NTAQ1: variants seen among roughly 807,000 people sequenced by gnomAD.
NTAQ1 encodes the protein N-terminal glutamine amidase 1.
NTAQ1 carries 21 observed loss-of-function variants against 28.2 expected under a neutral mutation model. The ratio of observed to expected loss-of-function variants is 0.74; its 90% CI spans 0.53 to 1.07. The LOEUF (loss-of-function observed/expected upper bound fraction) is 1.07. NTAQ1 is among the 50% of genes least tolerant of loss of function. The probability of loss-of-function intolerance (pLI) is 0.00; values close to 1 mark genes in which losing one functional copy is unlikely to be tolerated. For synonymous variants in NTAQ1, 105 were observed against 90.0 expected (o/e 1.17, Z -0.94); for missense variants, 264 against 256.6 (o/e 1.03, Z -0.20).
intron 1 of NTAQ1, among the ~76,000 whole-genome samples, chr8:123,426,127 C>G (rs1814039239): frequency 6.6e-6 from 1 of 152,170 alleles, no homozygotes; most frequent in African/African-American, 2.4e-5. Context: ...GTGTATCTTA[C>G]TAGAAAAAGA....
downstream of NTAQ1, among the ~76,000 whole-genome samples, chr8:123,443,864 C>T (rs1815171010): frequency 1.3e-5 from 2 of 152,102 alleles, no homozygotes; most frequent in Non-Finnish European, 2.9e-5. Flanking sequence ...TGAGCCACTG[C>T]GCCTGGCCTG....
chr8:123,435,405 C>T, intron 3 of NTAQ1: 1 of 936,236 alleles, frequency 1.1e-6, no homozygotes, highest in Non-Finnish European at 1.3e-6. Context: ...AAAAGTGGTT[C>T]CAAACTAGAA....
chr8:123,471,976 T>C (rs544435273), downstream of NTAQ1, among the ~76,000 whole-genome samples: 1 of 152,332 alleles, frequency 6.6e-6, no homozygotes, highest in East Asian at 1.9e-4. Flanking sequence ...GTAATAATCA[T>C]GCCTAGAGAA....
intron 4 of NTAQ1, among the ~76,000 whole-genome samples, chr8:123,436,804 T>G (rs892683976): frequency 6.6e-6 from 1 of 152,148 alleles, no homozygotes; most frequent in African/African-American, 2.4e-5. Flanking sequence ...TATGAAAGGT[T>G]GTCATTCTTT....
At chr8:123,447,711 A>G (rs1283496691) in intron 6 of NTAQ1, among the ~76,000 whole-genome samples, 1 of 152,244 alleles carries the variant, frequency 6.6e-6, no homozygotes, top group Non-Finnish European at 1.5e-5. Flanking sequence ...CTAACTGCAT[A>G]CATTCATTGT....
At chr8:123,420,551 C>T (rs1220755245) in intron 1 of NTAQ1, among the ~76,000 whole-genome samples, 1 of 150,006 alleles carries the variant, frequency 6.7e-6, no homozygotes, top group Admixed American at 6.7e-5. Flanking sequence ...TAAGCATCCC[C>T]TTTTCTCCAC....
intron 6 of NTAQ1, among the ~76,000 whole-genome samples, chr8:123,464,112 C>G (rs1815905096): frequency 6.6e-6 from 1 of 152,198 alleles, no homozygotes; most frequent in South Asian, 2.1e-4. Flanking sequence ...ATCCATTAAA[C>G]CTCTTTCCTT....
chr8:123,425,130 C>T lies in NTAQ1; in HGVS notation c.84-2794C>T, dbSNP rs76826275. ...TTTTTTAGAGGTTGTCTCTCTCTGT[C>T]GCCCAGGCTGGAGTGCAGTGACACA... On this transcript the variant is annotated intron_variant, in intron 1 of 5. Transcript: ENST00000287387. Among the ~76,000 whole-genome samples, 532 of 151,994 alleles carry T rather than the reference C, an allele frequency of 3.5e-3. 7 individuals carry two copies. The highest frequency in any genetic ancestry group is 0.012 in the African/African-American group (489 of 41,456).
chr8:123,461,388 T>A (rs1360499652), intron 6 of NTAQ1, among the ~76,000 whole-genome samples: 4 of 152,134 alleles, frequency 2.6e-5, no homozygotes, highest in Non-Finnish European at 5.9e-5. Context: ...ATAAACAACT[T>A]CTACCGAATT....
intron 1 of NTAQ1, among the ~76,000 whole-genome samples, chr8:123,417,150 G>A (rs941457543): frequency 5.9e-5 from 9 of 152,226 alleles, no homozygotes; most frequent in Non-Finnish European, 1.2e-4. Context: ...GGAATCATAG[G>A]GTCGATAGTG....
chr8:123,448,734 G>C (rs892403411), downstream of NTAQ1, among the ~76,000 whole-genome samples: 1 of 152,204 alleles, frequency 6.6e-6, no homozygotes, highest in East Asian at 1.9e-4. Context: ...CACAAACCCT[G>C]AACACAGACG....
In NTAQ1 at chr8:123,468,712, A is replaced by G. The variant is rs185720637; in HGVS notation, c.*1562A>G. On this transcript the variant is annotated 3_prime_UTR_variant, in exon 7 of 7. Coordinates refer to the NTAQ1 transcript ENST00000650311. ...GAGATCTTGTTTTCAGTTCTTTTGG[A>G]TATATATCAAGGAATGGGATTGCTG... Among the ~76,000 whole-genome samples, 355 of 152,232 alleles carry G rather than the reference A, an allele frequency of 2.3e-3. 7 individuals are homozygous for G. Among genetic ancestry groups the G allele is most frequent in the East Asian group, 5.6e-3 (29 of 5,190 alleles).
intron 3 of NTAQ1, 117 bp from the exon 4 acceptor site, chr8:123,436,336 A>G (rs577947117): frequency 1.1e-6 from 1 of 894,560 alleles, no homozygotes; most frequent in East Asian, 2.7e-5. Context: ...CTATTTTGCT[A>G]TTATAAGGAG....
At chr8:123,443,896 A>G (rs138862986), downstream of NTAQ1, among the ~76,000 whole-genome samples, 977 of 152,260 alleles carry the variant, frequency 6.4e-3, 15 homozygotes, top group African/African-American at 0.022. Flanking sequence ...TCTATGAGCC[A>G]GTGGATTCCT....
chr8:123,454,858 T>G, intron 6 of NTAQ1: 1 of 152,224 alleles, frequency 6.6e-6, no homozygotes, highest in Admixed American at 6.5e-5. Flanking sequence ...ATGGACCCAT[T>G]TCTTTTGCTG....
downstream of NTAQ1, among the ~76,000 whole-genome samples, chr8:123,471,846 A>C (rs552692458): frequency 7.9e-5 from 12 of 152,148 alleles, no homozygotes; most frequent in African/African-American, 2.9e-4. Flanking sequence ...TCTCACACAA[A>C]CCCCCAGGAT....
intron 3 of NTAQ1, among the ~76,000 whole-genome samples, chr8:123,434,696 C>T (rs73705915): frequency 1.3e-5 from 2 of 152,070 alleles, no homozygotes; most frequent in African/African-American, 4.8e-5. Context: ...TTGGATAAGG[C>T]GGAGATTCTG....
downstream of NTAQ1, among the ~76,000 whole-genome samples, chr8:123,444,349 G>C (rs765538230): frequency 3.6e-4 from 55 of 151,740 alleles, no homozygotes; most frequent in Non-Finnish European, 4.6e-4. Flanking sequence ...ACAGGCATGC[G>C]CCGCTACACC....
At chr8:123,436,648 T>C (rs1386542448) in intron 4 of NTAQ1, 47 bp downstream of exon 4, 2 of 1,584,112 alleles carry the variant, frequency 1.3e-6, no homozygotes, top group South Asian at 1.2e-5. Flanking sequence ...AGTAAGAATT[T>C]GACGATTCCA....
Sources: gnomAD v4.1 joint callset for allele counts (sites outside exome capture counted in the v4.1 genomes callset) on GRCh38, gnomAD v4.1.1 for gene constraint, MANE v1.5 for transcripts, NCBI Gene and HGNC (gene_info 2026-07-23, HGNC 2026-07-21) for gene names.